The following ADAM22 variants were observed in gnomAD, a reference collection of about 807,000 sequenced individuals.
ADAM22 encodes the protein disintegrin and metalloproteinase domain-containing protein 22.
In ADAM22, 65 loss-of-function variants were observed where a neutral mutation model predicts 144.6. The observed-to-expected ratio is 0.45, with a 90% CI of 0.37 to 0.55. ADAM22 has a LOEUF of 0.55. Ranked by LOEUF, ADAM22 falls within the 20% of genes least tolerant of loss-of-function variation. ADAM22 has a pLI of 0.00. For missense variants in ADAM22, 974 were observed against 1,184.9 expected, an observed-to-expected ratio of 0.82 and a Z score of 2.61; for synonymous variants, 391 against 412.6, an observed-to-expected ratio of 0.95 and a Z score of 0.63.
intron 7 of ADAM22, among the ~76,000 whole-genome samples, chr7:88,121,278 G>T (rs1235916332): frequency 6.6e-6 from 1 of 151,712 alleles, no homozygotes; most frequent in Non-Finnish European, 1.5e-5. Flanking sequence ...TATAATTCTG[G>T]GATTTTTATT....
intron 3 of ADAM22, among the ~76,000 whole-genome samples, chr7:87,980,914 C>T (rs1218376313): frequency 1.3e-5 from 2 of 152,132 alleles, no homozygotes; most frequent in African/African-American, 4.8e-5. Context: ...TCTGGCCACA[C>T]TAGTCCTAGG....
Position 88,179,004 on chromosome 7 carries a change from C to G in ADAM22, c.2370C>G (p.Pro790=). 1 of 1,613,294 alleles carries G rather than the reference C, an allele frequency of 6.2e-7. No homozygotes were observed. The highest frequency in any genetic ancestry group is 8.5e-7 in the Non-Finnish European group (1 of 1,179,432). The change falls in exon 27 of 32, where the codon CCC becomes CCG. Residue 790 remains proline (P), a synonymous_variant. Coordinates refer to ENST00000413139, the MANE Select transcript of ADAM22 (RefSeq NM_001324418.2). ...ACTCTTTTTATAGCGACATTCCTCCCGGAGTCAGCACAAACTCAGCATCTA... is the reference window on the plus strand; with the variant it reads ...ACTCTTTTTATAGCGACATTCCTCCGGGAGTCAGCACAAACTCAGCATCTA... ...DGDSFYSDIP[P]GVSTNSASSS...
intron 17 of ADAM22, among the ~76,000 whole-genome samples, chr7:88,145,712 G>C (rs929913170): frequency 2.6e-5 from 4 of 152,128 alleles, no homozygotes; most frequent in Non-Finnish European, 5.9e-5. Context: ...AGAATACTAA[G>C]GCTTGTAGTG....
At chr7:88,014,626 C>G (rs138815899) in intron 3 of ADAM22, among the ~76,000 whole-genome samples, 5 of 151,970 alleles carry the variant, frequency 3.3e-5, no homozygotes, top group Non-Finnish European at 4.4e-5. Context: ...ACCTGTAATC[C>G]CAGCTACTCA....
intron 3 of ADAM22, among the ~76,000 whole-genome samples, chr7:88,074,898 T>C (rs1390278994): frequency 6.6e-6 from 1 of 152,188 alleles, no homozygotes; most frequent in East Asian, 1.9e-4. Context: ...CAATGTCTAT[T>C]AATAGAGCAA....
chr7:88,005,188 C>T (rs1329292659), intron 3 of ADAM22, among the ~76,000 whole-genome samples: 1 of 152,078 alleles, frequency 6.6e-6, no homozygotes, highest in Non-Finnish European at 1.5e-5. Flanking sequence ...ACTCACTCCC[C>T]ATTAAATTTG....
At chr7:88,081,449 C>T (rs1458117381) in intron 4 of ADAM22, among the ~76,000 whole-genome samples, 1 of 152,206 alleles carries the variant, frequency 6.6e-6, no homozygotes, top group Non-Finnish European at 1.5e-5. Flanking sequence ...GATGCCCTCT[C>T]TCACCACTCC....
intron 31 of ADAM22, among the ~76,000 whole-genome samples, chr7:88,193,974 CAGT>C (rs1479914881): frequency 6.6e-6 from 1 of 152,020 alleles, no homozygotes; most frequent in Non-Finnish European, 1.5e-5. Flanking sequence ...AAACTACCAG[CAGT>C]GTTTTGTTAA....
chr7:87,956,202 A>G (rs1846687293), intron 2 of ADAM22, among the ~76,000 whole-genome samples: 1 of 152,072 alleles, frequency 6.6e-6, no homozygotes, highest in Non-Finnish European at 1.5e-5. Flanking sequence ...AAATGCAGAA[A>G]TCACCCGTCT....
At chr7:88,174,658 A>G (rs1054106068) in intron 26 of ADAM22, among the ~76,000 whole-genome samples, 42 of 152,188 alleles carry the variant, frequency 2.8e-4, no homozygotes, top group Non-Finnish European at 2.9e-4. Flanking sequence ...TACATAAAAC[A>G]TTCATATTTA....
chr7:88,049,251 A>G (rs1281806567), intron 3 of ADAM22, among the ~76,000 whole-genome samples: 1 of 152,182 alleles, frequency 6.6e-6, no homozygotes, highest in African/African-American at 2.4e-5. Context: ...TAAAATGGGG[A>G]GTTAGAATAT....
At chr7:88,096,039 A>C (rs1412807678) in intron 4 of ADAM22, among the ~76,000 whole-genome samples, 1 of 148,772 alleles carries the variant, frequency 6.7e-6, no homozygotes, top group Non-Finnish European at 1.5e-5. Flanking sequence ...CTTCTCCCTC[A>C]GTCTCCTGAG....
chr7:88,173,579 G>A (rs1844889450), intron 26 of ADAM22, among the ~76,000 whole-genome samples: 2 of 151,960 alleles, frequency 1.3e-5, no homozygotes, highest in South Asian at 4.1e-4. Context: ...ACCAAAGCAT[G>A]CATTAAAAAA....
intron 2 of ADAM22, among the ~76,000 whole-genome samples, chr7:87,966,192 T>G (rs1429880609): frequency 6.6e-6 from 1 of 152,230 alleles, no homozygotes; most frequent in African/African-American, 2.4e-5. Flanking sequence ...CGGCCTTTTC[T>G]GTACCAGAAA....
At chr7:88,071,569 G>C (rs1812827699) in intron 3 of ADAM22, among the ~76,000 whole-genome samples, 1 of 151,900 alleles carries the variant, frequency 6.6e-6, no homozygotes, top group Non-Finnish European at 1.5e-5. Context: ...TGTACGAGCT[G>C]TCTCTGATTC....
chr7:88,155,751 A>C (rs1230607309), intron 21 of ADAM22, 136 bp from the exon 22 acceptor site: 1 of 1,024,216 alleles, frequency 9.8e-7, no homozygotes, highest in Non-Finnish European at 1.4e-6. Context: ...ATTTGGACTT[A>C]TTTTATTTCA....
At chr7:88,008,370 T>C (rs1203065202) in intron 3 of ADAM22, among the ~76,000 whole-genome samples, 2 of 149,814 alleles carry the variant, frequency 1.3e-5, no homozygotes, top group African/African-American at 2.4e-5. Context: ...GAACTAGAAA[T>C]ACCATTTGAC....
At chr7:88,168,092 G>C (rs767482238) in intron 24 of ADAM22, 45 bp from the exon 25 acceptor site, 7 of 1,546,034 alleles carry the variant, frequency 4.5e-6, no homozygotes, top group Non-Finnish European at 6.2e-6. Context: ...TTTCTGAAAG[G>C]ATTTTATACC....
At chr7:88,026,072 C>T (rs1419440378) in intron 3 of ADAM22, among the ~76,000 whole-genome samples, 1 of 151,992 alleles carries the variant, frequency 6.6e-6, no homozygotes, top group African/African-American at 2.4e-5. Context: ...TGGTTAATTC[C>T]TAGCTATTTA....
Sources: allele counts gnomAD v4.1 joint callset (sites outside exome capture counted in the v4.1 genomes callset), GRCh38; gene constraint gnomAD v4.1.1; transcripts MANE v1.5; gene names NCBI Gene and HGNC (gene_info 2026-07-23, HGNC 2026-07-21).